Variants in LLGL1 observed in about 807,000 individuals in gnomAD.
The protein encoded by LLGL1 is lethal(2) giant larvae protein homolog 1.
LLGL1 carries 58 observed loss-of-function variants against 110.6 expected under a neutral mutation model. The observed-to-expected ratio is 0.52, with a 90% CI of 0.42 to 0.65. The LOEUF (loss-of-function observed/expected upper bound fraction) is 0.65. LLGL1 is among the 30% of genes least tolerant of loss of function. The probability of loss-of-function intolerance (pLI) is 0.00; values close to 1 mark genes in which losing one functional copy is unlikely to be tolerated. For missense variants in LLGL1, 1,229 were observed against 1,462.1 expected, an observed-to-expected ratio of 0.84 and a Z score of 2.60; for synonymous variants, 674 against 607.2, an observed-to-expected ratio of 1.11 and a Z score of -1.62.
chr17:18,237,790 C>A lies in LLGL1; in HGVS notation c.1904+17C>A. Reference sequence around the variant, plus strand: ...GCTGGCCAGGTGTGTGGGGTGGGGCCGGCTGGGCAGTTGGAGCCCCCAGCG... The same window carrying A: ...GCTGGCCAGGTGTGTGGGGTGGGGCAGGCTGGGCAGTTGGAGCCCCCAGCG... On this transcript the variant is annotated intron_variant, in intron 14 of 22. Coordinates refer to ENST00000316843, the MANE Select transcript of LLGL1 (RefSeq NM_004140.4). 1 of 1,587,766 alleles carries A rather than the reference C, an allele frequency of 6.3e-7. No homozygotes were observed. The highest frequency in any genetic ancestry group is 8.6e-7 in the Non-Finnish European group (1 of 1,164,234).
In LLGL1 at chr17:18,232,773, G is replaced by C. The variant is rs1223249653; in HGVS notation, c.363G>C (p.Leu121=). 6.2e-7 allele frequency: 1 copy of C among 1,614,014 alleles called. No individual in the cohort carries two copies. Among genetic ancestry groups the C allele is most frequent in the East Asian group, 2.2e-5 (1 of 44,880 alleles). The change falls in exon 4 of 23, where the codon CTG becomes CTC. Residue 121 remains leucine, a synonymous_variant. Transcript: ENST00000316843. ...AHLEEALSFQ[L]PSRPGFDGAS... is the part of the protein sequence containing the mutation. ...TGGAAGAAGCACTCAGTTTCCAGCT[G>C]CCCAGCCGGCCCGGCTTTGATGGTG...
chr17:18,238,097 C>T lies in LLGL1; in HGVS notation c.1935C>T (p.Ala645=). The part of the protein sequence containing the change: ...RCTLHPNDSL[A]MEGPLSRVKS... ...CTCTTCACCCCAATGACTCCCTGGCCATGGAGGGTCCGCTCTCCCGGGTGA... is the reference window on the plus strand; with the variant it reads ...CTCTTCACCCCAATGACTCCCTGGCTATGGAGGGTCCGCTCTCCCGGGTGA... The change falls in exon 15 of 23, where the codon GCC becomes GCT. Residue 645 remains alanine (A), a synonymous_variant. Coordinates refer to ENST00000316843, the MANE Select transcript of LLGL1 (RefSeq NM_004140.4). 6.2e-7 allele frequency: 1 copy of T among 1,613,890 alleles called. No homozygotes were observed. Among genetic ancestry groups the T allele is most frequent in the East Asian group, 2.2e-5 (1 of 44,884 alleles).
rs1344900825 is a variant in LLGL1 at position 18,242,617 on chromosome 17, G to C, written c.3105G>C (p.Lys1035Asn). 6.2e-7 allele frequency: 1 copy of C among 1,611,272 alleles called. No homozygotes were observed. Among genetic ancestry groups the C allele is most frequent in the Non-Finnish European group, 8.5e-7 (1 of 1,178,622 alleles). Residue 1035 changes from lysine to asparagine, a missense_variant, in exon 21 of 23, where the codon AAG (lysine) becomes AAC (asparagine). By Grantham distance (94) the Lys-to-Asn change is moderately conservative. Coordinates refer to ENST00000316843, the MANE Select transcript of LLGL1 (RefSeq NM_004140.4). Reference sequence around the variant, plus strand: ...GGGACGTCACAGTGGAAGATGTGAAGGATTTCCTGGGGTGAGGCTGGTGGG... The same window carrying C: ...GGGACGTCACAGTGGAAGATGTGAACGATTTCCTGGGGTGAGGCTGGTGGG... ...TTGDVTVEDV[K>N]DFLGSSEESE...
chr17:18,234,153 A>G lies in LLGL1; in HGVS notation c.692A>G (p.Asp231Gly), dbSNP rs1472997591. Residue 231 changes from aspartate to glycine, a missense_variant, in exon 6 of 23, where the codon GAC becomes GGC. Coordinates refer to ENST00000316843, the MANE Select transcript of LLGL1 (RefSeq NM_004140.4). ...VIWNQASQCV[D>G]HIFLGNQQLE... is the part of the protein sequence containing the mutation. ...TGGAACCAGGCCTCGCAGTGTGTGGACCACATCTTCCTGGGGAACCAGGTA... is the reference window on the plus strand; with the variant it reads ...TGGAACCAGGCCTCGCAGTGTGTGGGCCACATCTTCCTGGGGAACCAGGTA... The G allele has an allele frequency of 6.2e-7, 1 of 1,604,998 alleles. No individual in the cohort carries two copies. Among genetic ancestry groups the G allele is most frequent in the Non-Finnish European group, 8.5e-7 (1 of 1,174,034 alleles).
At chr17:18,230,945 A>G (rs2047553970) in intron 2 of LLGL1, among the ~76,000 whole-genome samples, 1 of 152,124 alleles carries the variant, frequency 6.6e-6, no homozygotes, top group African/African-American at 2.4e-5. Context: ...CCATGGCCCC[A>G]GCGGCCTCTG....
rs138439781 is a variant in LLGL1, at chr17:18,240,655, G to A, written c.2284G>A (p.Ala762Thr). 6.2e-7 allele frequency: 1 copy of A among 1,613,022 alleles called. No individual in the cohort carries two copies. The highest frequency in any genetic ancestry group is 1.3e-5 in the African/African-American group (1 of 74,920). Residue 762 changes from alanine (A) to threonine (T), a missense_variant, in exon 17 of 23, where the codon GCA becomes ACA. Ala to Thr is a moderately conservative substitution (Grantham distance 58). Coordinates refer to ENST00000316843, the MANE Select transcript of LLGL1 (RefSeq NM_004140.4). This position sits in a 1 kb window ranked among gnomAD's most constrained non-coding sequence, Gnocchi z 5.3. ...CGCCTATGCACTGGAGGTGCCGGCA[G>A]CAGCAGTGGGTGGTGAGAAGCGGCC... ...VFAYALEVPA[A>T]AVGGEKRPEQ...
chr17:18,227,068 C>T (rs1309346150), intron 1 of LLGL1, among the ~76,000 whole-genome samples: 1 of 152,176 alleles, frequency 6.6e-6, no homozygotes, highest in African/African-American at 2.4e-5. Context: ...GGTCCTGGGC[C>T]AGTGTTGTGC....
At chr17:18,237,244 CTT>C (rs1256627576) in intron 13 of LLGL1, 2 of 598,124 alleles carry the variant, frequency 3.3e-6, no homozygotes, top group Non-Finnish European at 5.9e-6. Context: ...AGGGTGGACA[CTT>C]TGCCCTCAGA....
At chr17:18,229,691 G>A (rs763826773) in intron 1 of LLGL1, among the ~76,000 whole-genome samples, 5 of 152,180 alleles carry the variant, frequency 3.3e-5, no homozygotes, top group Non-Finnish European at 5.9e-5. Context: ...GGCAAAGGGC[G>A]GGCCTCTGTG....
At position 18,240,068 on chromosome 17, in the gene LLGL1, T is replaced by G. The variant is rs2047792253; in HGVS notation, c.2207-510T>G. Among the ~76,000 whole-genome samples the G allele has an allele frequency of 1.3e-5, 2 of 152,222 alleles. No individual in the cohort carries two copies. The highest frequency in any genetic ancestry group is 2.9e-5 in the Non-Finnish European group (2 of 67,994). On this transcript the variant is annotated intron_variant, in intron 16 of 22. Coordinates refer to ENST00000316843, the MANE Select transcript of LLGL1 (RefSeq NM_004140.4). The surrounding 1 kb of genome is among the most constrained non-coding windows in gnomAD (Gnocchi z 5.3). ...CCTAGGTGTCCCCAGGCTTGGCGGCTTCCTCTGGCTGCCACGTAGGGAGCA... is the reference window on the plus strand; with the variant it reads ...CCTAGGTGTCCCCAGGCTTGGCGGCGTCCTCTGGCTGCCACGTAGGGAGCA...
At position 18,236,890 on chromosome 17, in the gene LLGL1, C is replaced by G. The variant is rs200183472; in HGVS notation, c.1562C>G (p.Ala521Gly). Reference protein sequence around the residue: ...DDPRLGVQKVALCKYTAQMVV... With the variant: ...DDPRLGVQKVGLCKYTAQMVV... ...CCCCGGCTTGGCGTGCAGAAGGTTG[C>G]TCTCTGCAAGTATACAGCCCAGATG... Residue 521 changes from alanine to glycine, a missense_variant, in exon 13 of 23, where the codon GCT becomes GGT. Physicochemically the swap from Ala to Gly is moderately conservative, Grantham distance 60. Transcript: ENST00000316843. The G allele has an allele frequency of 6.8e-5, 110 of 1,613,738 alleles. No individual in the cohort carries two copies. The highest frequency in any genetic ancestry group is 8.8e-5 in the Non-Finnish European group (104 of 1,179,998).
Position 18,236,612 on chromosome 17 carries a change from A to G in LLGL1, c.1358A>G (p.Glu453Gly). The G allele has an allele frequency of 6.2e-7, 1 of 1,609,718 alleles. No individual in the cohort carries two copies. The change falls in exon 12 of 23, where the codon GAG becomes GGG. Residue 453 changes from glutamate to glycine, a missense_variant. By Grantham distance (98) the Glu-to-Gly change is moderately conservative (BLOSUM62 -2). Coordinates refer to ENST00000316843, the MANE Select transcript of LLGL1 (RefSeq NM_004140.4). ...GACATCTGCCCTCCCTGCAGCCATG[A>G]GGACGGCACCGTGAGGTTCTGGGAT... Reference protein sequence around the residue: ...SQRGLLLTGHEDGTVRFWDAS... With the variant: ...SQRGLLLTGHGDGTVRFWDAS...
chr17:18,238,734 C>CG (rs1479262008), intron 16 of LLGL1, 125 bp downstream of exon 16: 6 of 973,688 alleles, frequency 6.2e-6, no homozygotes, highest in Non-Finnish European at 9.2e-6. Context: ...TGGCTGGGCA[C>CG]GGTGGCTCAA....
In LLGL1 at chr17:18,225,776, C is replaced by A; in HGVS notation, c.81+13C>A. ...CGCCTTCAACAAGGTGCGGCGGCGGCCCGGGCCCGGGCTCGGGCGGGAGGG... is the reference window on the plus strand; with the variant it reads ...CGCCTTCAACAAGGTGCGGCGGCGGACCGGGCCCGGGCTCGGGCGGGAGGG... On this transcript the variant is annotated intron_variant, in intron 1 of 22. Transcript: ENST00000316843. 1 of 1,000,414 alleles carries A rather than the reference C, an allele frequency of 1.0e-6. No individual in the cohort carries two copies. Among genetic ancestry groups the A allele is most frequent in the African/African-American group, 1.8e-5 (1 of 56,944 alleles). 62.0% of individuals were successfully genotyped at this position (1,000,414 alleles called of 1,614,324 possible). A position where few individuals can be genotyped will look rare whatever the true frequency, so the allele number is the denominator to read the frequency against.
At chr17:18,235,360 G>T (rs762708046) in intron 10 of LLGL1, 48 bp downstream of exon 10, 4 of 1,605,006 alleles carry the variant, frequency 2.5e-6, no homozygotes, top group Non-Finnish European at 3.4e-6. Flanking sequence ...TCTTGAGGAG[G>T]GGGAGAGTTT....
At chr17:18,239,052 G>A (rs1301127013) in intron 16 of LLGL1, among the ~76,000 whole-genome samples, 3 of 152,150 alleles carry the variant, frequency 2.0e-5, no homozygotes, top group Non-Finnish European at 4.4e-5. Context: ...GGACTGCTGG[G>A]TCACCCCCAG....
chr17:18,225,652 G>T lies in LLGL1; in HGVS notation c.-31G>T. On this transcript the variant is annotated 5_prime_UTR_variant, in exon 1 of 23. Coordinates refer to ENST00000316843, the MANE Select transcript of LLGL1 (RefSeq NM_004140.4). ...CGCGGCGCATCCTGCGGGCGGCGGC[G>T]GCGGGCGAGGCGCCTGCAGCCGGGC... The T allele has an allele frequency of 1.0e-6, 1 of 970,132 alleles. No individual in the cohort carries two copies. Among genetic ancestry groups the T allele is most frequent in the South Asian group, 4.5e-5 (1 of 22,210 alleles). The allele number at this position is 970,132 out of a possible 1,614,324, so 60.1% of individuals were successfully genotyped here.
chr17:18,234,780 T>C (rs2047653033), intron 8 of LLGL1, 59 bp from the exon 9 acceptor site: 1 of 1,613,748 alleles, frequency 6.2e-7, no homozygotes, highest in South Asian at 1.1e-5. Flanking sequence ...CCCTAGGTTG[T>C]GCAGTATGTG....
At position 18,234,344 on chromosome 17, in the gene LLGL1, T is replaced by C; in HGVS notation, c.786T>C (p.Ala262=). 6.2e-7 allele frequency: 1 copy of C among 1,612,844 alleles called. No individual in the cohort carries two copies. ...GCTCACACAGCGATGGCAGCTATGC[T>C]GTCTGGTCTGTGGATGCCGGCAGCT... The part of the protein sequence containing the change: ...VVSSHSDGSY[A]VWSVDAGSFP... Residue 262 remains alanine, a synonymous_variant, in exon 7 of 23, where the codon GCT becomes GCC. Coordinates refer to ENST00000316843, the MANE Select transcript of LLGL1 (RefSeq NM_004140.4).
Sources: allele counts gnomAD v4.1 joint callset (sites outside exome capture counted in the v4.1 genomes callset), GRCh38; gene constraint gnomAD v4.1.1; non-coding constraint Gnocchi (gnomAD v3.1); transcripts MANE v1.5; gene names NCBI Gene and HGNC (gene_info 2026-07-23, HGNC 2026-07-21).